PRDM5: variants seen among roughly 807,000 people sequenced by gnomAD.
The protein encoded by PRDM5 is PR/SET domain 5, also known as PR domain zinc finger protein 5.
Under a neutral mutation model 81.2 loss-of-function variants are expected in PRDM5, and 56 were observed. The ratio of observed to expected loss-of-function variants is 0.69; its 90% CI spans 0.56 to 0.86. The LOEUF (loss-of-function observed/expected upper bound fraction) is 0.86. PRDM5 is among the 40% of genes least tolerant of loss of function. PRDM5 has a pLI of 0.00. For synonymous variants in PRDM5, 267 were observed against 256.4 expected (o/e 1.04, Z -0.39); for missense variants, 697 against 770.1 (o/e 0.91, Z 1.12).
At chr4:120,737,431 C>T (rs2149099143) in intron 14 of PRDM5, among the ~76,000 whole-genome samples, 1 of 152,312 alleles carries the variant, frequency 6.6e-6, no homozygotes, top group South Asian at 2.1e-4. Flanking sequence ...GAGAGCCATG[C>T]CAAAGACTCC....
intron 14 of PRDM5, among the ~76,000 whole-genome samples, chr4:120,736,070 A>G (rs567292574): frequency 3.5e-4 from 53 of 151,772 alleles, no homozygotes; most frequent in Non-Finnish European, 7.1e-4. Context: ...GCACCCATTT[A>G]TAAGTGAGAA....
chr4:120,876,393 T>C (rs1762333044), intron 2 of PRDM5, among the ~76,000 whole-genome samples: 1 of 152,238 alleles, frequency 6.6e-6, no homozygotes, highest in Non-Finnish European at 1.5e-5. Context: ...AAAATTGTGC[T>C]ATCATTTTTA....
chr4:120,869,099 T>A (rs924154081), intron 2 of PRDM5, among the ~76,000 whole-genome samples: 6 of 152,210 alleles, frequency 3.9e-5, no homozygotes, highest in South Asian at 2.1e-4. Context: ...AGATTTTTTT[T>A]AAAAAACATG....
intron 8 of PRDM5, among the ~76,000 whole-genome samples, chr4:120,801,784 T>C (rs931440543): frequency 1.3e-5 from 2 of 152,208 alleles, no homozygotes; most frequent in South Asian, 4.1e-4. Context: ...CGGCTTCAGT[T>C]AAACACCTAT....
intron 14 of PRDM5, among the ~76,000 whole-genome samples, chr4:120,731,372 T>C (rs1341334650): frequency 1.3e-5 from 2 of 151,562 alleles, no homozygotes; most frequent in Non-Finnish European, 2.9e-5. Context: ...GTCTTCTTTT[T>C]TTTTTTTTTT....
intron 15 of PRDM5, among the ~76,000 whole-genome samples, chr4:120,707,845 G>C (rs1736423730): frequency 1.3e-5 from 2 of 151,842 alleles, no homozygotes; most frequent in African/African-American, 4.8e-5. Flanking sequence ...TTTCAAAATG[G>C]GCAAAGGACT....
intron 2 of PRDM5, among the ~76,000 whole-genome samples, chr4:120,879,311 C>T (rs343195): frequency 0.24 from 37,192 of 152,092 alleles, 5,137 homozygotes; most frequent in African/African-American, 0.36. Context: ...TACTATATGA[C>T]TGCAACTATG....
At chr4:120,866,187 T>TACCTCCTCCCACTTCACTGC (rs1761182102) in intron 2 of PRDM5, among the ~76,000 whole-genome samples, 1 of 152,196 alleles carries the variant, frequency 6.6e-6, no homozygotes, top group Non-Finnish European at 1.5e-5. Context: ...CAGATCACTG[T>TACCTCCTCCCACTTCACTGC]ACCTCCTCCC....
intron 4 of PRDM5, among the ~76,000 whole-genome samples, chr4:120,820,893 C>T (rs546475277): frequency 6.6e-6 from 1 of 152,334 alleles, no homozygotes; most frequent in South Asian, 2.1e-4. Flanking sequence ...CCCCAATGCG[C>T]CAGTGAGAGC....
intron 13 of PRDM5, among the ~76,000 whole-genome samples, chr4:120,760,418 AC>A (rs1745437435): frequency 6.6e-6 from 1 of 152,238 alleles, no homozygotes; most frequent in South Asian, 2.1e-4. Flanking sequence ...GAAGGGAAAT[AC>A]TATATTGGTA....
At chr4:120,741,766 T>C (rs200711606) in intron 14 of PRDM5, among the ~76,000 whole-genome samples, 1 of 151,834 alleles carries the variant, frequency 6.6e-6, no homozygotes, top group African/African-American at 2.4e-5. Context: ...TGCACCTGGC[T>C]CAGAGGGTCC....
chr4:120,806,332 G>T (rs78308868), intron 8 of PRDM5, among the ~76,000 whole-genome samples: 9 of 152,248 alleles, frequency 5.9e-5, no homozygotes, highest in African/African-American at 1.9e-4. Flanking sequence ...TTTCTTCACA[G>T]AATTGGAAAA....
chr4:120,742,504 CA>C (rs1742201674), intron 14 of PRDM5, among the ~76,000 whole-genome samples: 1 of 152,004 alleles, frequency 6.6e-6, no homozygotes, highest in South Asian at 2.1e-4. Context: ...ACATTCAAAC[CA>C]AAGGCAAAGA....
intron 14 of PRDM5, among the ~76,000 whole-genome samples, chr4:120,719,922 G>C (rs766819516): frequency 2.0e-5 from 3 of 152,052 alleles, no homozygotes; most frequent in Non-Finnish European, 4.4e-5. Context: ...AACTATTTTT[G>C]ATATCAGGAA....
At chr4:120,783,423 A>G (rs1449090742) in intron 11 of PRDM5, among the ~76,000 whole-genome samples, 1 of 152,074 alleles carries the variant, frequency 6.6e-6, no homozygotes, top group African/African-American at 2.4e-5. Flanking sequence ...CCTATTTCTC[A>G]AGTGAATGAG....
rs1044055256 is a variant in PRDM5, at chr4:120,828,235, C to G, written c.301-6890G>C. 3.9e-5 allele frequency among the ~76,000 whole-genome samples: 6 copies of G among 152,006 alleles called. No individual in the cohort carries two copies. In the East Asian group the frequency reaches 1.2e-3, roughly 29 times the overall value. Reference sequence around the variant, plus strand: ...ATCTATAAAGTGGGTTCAATAGTATCTACTTCAAAGAATTGTTTTGAGGAT... The same window carrying G: ...ATCTATAAAGTGGGTTCAATAGTATGTACTTCAAAGAATTGTTTTGAGGAT... On this transcript the variant is annotated intron_variant, in intron 3 of 15. Transcript: ENST00000264808.
intron 3 of PRDM5, chr4:120,838,692 G>A (rs1757643794): frequency 6.5e-6 from 1 of 154,196 alleles, no homozygotes; most frequent in African/African-American, 2.4e-5. Context: ...TTTACAACAG[G>A]TTTTGCACTC....
intron 2 of PRDM5, among the ~76,000 whole-genome samples, chr4:120,870,337 A>G (rs1430544504): frequency 6.6e-6 from 1 of 152,254 alleles, no homozygotes; most frequent in Non-Finnish European, 1.5e-5. Context: ...GCACTACACT[A>G]GGCACTAGGA....
intron 2 of PRDM5, among the ~76,000 whole-genome samples, chr4:120,853,954 T>C (rs1363951132): frequency 6.6e-6 from 1 of 152,194 alleles, no homozygotes; most frequent in East Asian, 1.9e-4. Flanking sequence ...GAGCAATCAT[T>C]TCAATTCCTC....
Sources: allele counts gnomAD v4.1 joint callset (sites outside exome capture counted in the v4.1 genomes callset), GRCh38; gene constraint gnomAD v4.1.1; transcripts MANE v1.5; gene names NCBI Gene and HGNC (gene_info 2026-07-23, HGNC 2026-07-21).